The following TTYH1 variants were observed in gnomAD, a reference collection of about 807,000 sequenced individuals.
TTYH1 encodes protein tweety homolog 1.
Under a neutral mutation model 61.2 loss-of-function variants are expected in TTYH1, and 33 were observed. The ratio of observed to expected loss-of-function variants is 0.54; its 90% confidence interval spans 0.41 to 0.72. The LOEUF (loss-of-function observed/expected upper bound fraction) is 0.72. TTYH1 is among the 30% of genes least tolerant of loss of function. The pLI, the probability that TTYH1 is intolerant of heterozygous loss-of-function variation, is 0.00. For synonymous variants in TTYH1, 308 were observed against 266.4 expected, an observed-to-expected ratio of 1.16 and a Z score of -1.52; for missense variants, 538 against 575.8, an observed-to-expected ratio of 0.93 and a Z score of 0.67.
chr19:54,430,900 G>C lies in TTYH1; in HGVS notation c.1027G>C (p.Ala343Pro). Residue 343 changes from alanine to proline, a missense_variant, in exon 9 of 14, where the codon GCG becomes CCG. Ala to Pro is a conservative substitution (Grantham distance 27, BLOSUM62 -1). Around this residue, in one of 3 missense-constraint regions of TTYH1, gnomAD observed 378 missense variants for 401.2 expected, o/e 0.94. Transcript: ENST00000376530. ...EREAVPQFPS[A>P]QKPLLSLEET... Reference sequence around the variant, plus strand: ...AGAAGCTGTGCCTCAGTTCCCTTCAGCGCAGGTCGGTGGGTGGGCGCTCCC... The same window carrying C: ...AGAAGCTGTGCCTCAGTTCCCTTCACCGCAGGTCGGTGGGTGGGCGCTCCC... 6.2e-7 allele frequency: 1 copy of C among 1,612,564 alleles called. No individual in the cohort carries two copies. Among genetic ancestry groups the C allele is most frequent in the Non-Finnish European group, 8.5e-7 (1 of 1,179,954 alleles).
chr19:54,428,022 C>T (rs961807926), intron 5 of TTYH1, among the ~76,000 whole-genome samples: 1 of 152,078 alleles, frequency 6.6e-6, no homozygotes, highest in African/African-American at 2.4e-5. Flanking sequence ...AGTGATCCCC[C>T]CACCTCAGCC....
chr19:54,435,805 C>T (rs753038911), intron 11 of TTYH1, 23 bp from the exon 12 acceptor site: 6 of 1,613,912 alleles, frequency 3.7e-6, no homozygotes, highest in Non-Finnish European at 5.1e-6. Context: ...CGCCTCTCTG[C>T]CATGCCCCGC....
Position 54,419,546 on chromosome 19 carries a change from A to C in TTYH1, c.305+240A>C, listed in dbSNP as rs1254445888. ...GTGAATCAAGGGCAGCCATCTGGTG[A>C]GAAGGCGCAGGGGCAGTCAGATGGC... On this transcript the variant is annotated intron_variant, in intron 2 of 13. Coordinates refer to ENST00000376530, the MANE Select transcript of TTYH1 (RefSeq NM_020659.4). The surrounding 1 kb of genome is among the most constrained non-coding windows in gnomAD (Gnocchi z 6.1). 1.4e-6 allele frequency: 1 copy of C among 698,552 alleles called. No homozygotes were observed. The highest frequency in any genetic ancestry group is 1.5e-5 in the South Asian group (1 of 66,750). The allele number at this position is 698,552 out of a possible 1,614,324, so 43.3% of individuals were successfully genotyped here.
intron 4 of TTYH1, 122 bp from the exon 5 acceptor site, chr19:54,426,551 T>C: frequency 1.3e-6 from 1 of 762,458 alleles, no homozygotes; most frequent in South Asian, 1.6e-5. Flanking sequence ...GAGGCTGAGC[T>C]TGGAGGGTGG....
intron 7 of TTYH1, 59 bp from the exon 8 acceptor site, chr19:54,430,491 C>G (rs1270116975): frequency 6.3e-7 from 1 of 1,584,690 alleles, no homozygotes; most frequent in Admixed American, 1.7e-5. Flanking sequence ...GGCCTTCCCC[C>G]GGGAGATCCC....
rs2083522775 is a variant in TTYH1, at chr19:54,435,393, A to C, written c.1126-149A>C. 6 of 951,876 alleles carry C rather than the reference A, an allele frequency of 6.3e-6. No homozygotes were observed. The East Asian group carries it at 1.5e-4, about 23-fold the overall frequency. The allele number at this position is 951,876 out of a possible 1,614,324, so 59.0% of individuals were successfully genotyped here. A position where few individuals can be genotyped will look rare whatever the true frequency, so the allele number is the denominator to read the frequency against. On this transcript the variant is annotated intron_variant, in intron 10 of 13. Transcript: ENST00000376530. ...CCACTGTACCCACTGTATTCTCAGA[A>C]CTGCCCTTTGACAGGGGAAACTGAG...
chr19:54,417,007 C>T, intron 1 of TTYH1: 1 of 1,189,676 alleles, frequency 8.4e-7, no homozygotes, highest in Non-Finnish European at 1.1e-6. Context: ...CAGAGCCCCA[C>T]AGCCGAGGAG....
At chr19:54,433,969 G>C (rs2083490045) in intron 10 of TTYH1, among the ~76,000 whole-genome samples, 2 of 152,106 alleles carry the variant, frequency 1.3e-5, no homozygotes, top group South Asian at 4.1e-4. Flanking sequence ...TCTCAAAACA[G>C]AGCCTCCATT....
chr19:54,421,267 C>T lies in TTYH1; in HGVS notation c.306-10C>T, dbSNP rs752534413. 4 of 1,596,002 alleles carry T rather than the reference C, an allele frequency of 2.5e-6. No homozygotes were observed. Among genetic ancestry groups the T allele is most frequent in the South Asian group, 1.1e-5 (1 of 90,722 alleles). ...CCCGCTGAGATTCCTCTCCCTCCTC[C>T]TCCGCTCAGCACTGGCATTGGCATC... is the stretch of plus-strand genomic sequence containing the variant. On this transcript the variant is annotated splice_polypyrimidine_tract_variant and intron_variant, in intron 2 of 13. Coordinates refer to ENST00000376530, the MANE Select transcript of TTYH1 (RefSeq NM_020659.4). This position sits in a 1 kb window ranked among gnomAD's most constrained non-coding sequence, Gnocchi z 4.8.
chr19:54,429,238 T>C lies in TTYH1; in HGVS notation c.735-69T>C. ...AGGTGGGGGGCGGCTGTGATGGGATTTGGGGTGTGGAAAGAGGCTAGGCTA... is the reference window on the plus strand; with the variant it reads ...AGGTGGGGGGCGGCTGTGATGGGATCTGGGGTGTGGAAAGAGGCTAGGCTA... On this transcript the variant is annotated intron_variant, in intron 5 of 13. Coordinates refer to ENST00000376530, the MANE Select transcript of TTYH1 (RefSeq NM_020659.4). This position sits in a 1 kb window ranked among gnomAD's most constrained non-coding sequence, Gnocchi z 5.1. The C allele has an allele frequency of 6.9e-7, 1 of 1,439,428 alleles. No homozygotes were observed. Among genetic ancestry groups the C allele is most frequent in the Non-Finnish European group, 9.8e-7 (1 of 1,021,998 alleles). 89.2% of individuals were successfully genotyped at this position (1,439,428 alleles called of 1,614,324 possible). A position where few individuals can be genotyped will look rare whatever the true frequency, so the allele number is the denominator to read the frequency against.
chr19:54,423,979 G>A (rs2083271760), intron 4 of TTYH1, among the ~76,000 whole-genome samples: 1 of 152,036 alleles, frequency 6.6e-6, no homozygotes, highest in South Asian at 2.1e-4. Context: ...TGGCTAACAC[G>A]GTGAAATCCC....
chr19:54,422,151 G>A, intron 3 of TTYH1, 39 bp from the exon 4 acceptor site: 1 of 1,509,674 alleles, frequency 6.6e-7, no homozygotes, highest in Non-Finnish European at 8.9e-7. Context: ...GCTCCCCCCA[G>A]GATGTCCTTC....
At chr19:54,423,409 GC>G (rs1450135526) in intron 4 of TTYH1, among the ~76,000 whole-genome samples, 1 of 152,012 alleles carries the variant, frequency 6.6e-6, no homozygotes, top group Non-Finnish European at 1.5e-5. Context: ...TGTTAGCCAG[GC>G]TGGTCTCAAA....
chr19:54,431,479 C>T lies in TTYH1; in HGVS notation c.1125+288C>T, dbSNP rs548130265. On this transcript the variant is annotated intron_variant, in intron 10 of 13. Transcript: ENST00000376530. ...CCACCCTCCCCGTCCCTTCCTGCCA[C>T]CTTTTCCTTCCTTGTCTTCTCTCCT... 16 of 489,886 alleles carry T rather than the reference C, an allele frequency of 3.3e-5. No individual in the cohort carries two copies. The South Asian group carries it at 3.6e-4, about 11-fold the overall frequency. The allele number at this position is 489,886 out of a possible 1,614,324, so 30.3% of individuals were successfully genotyped here. A position where few individuals can be genotyped will look rare whatever the true frequency, so the allele number is the denominator to read the frequency against.
intron 10 of TTYH1, 83 bp from the exon 11 acceptor site, chr19:54,435,459 G>T: frequency 6.7e-7 from 1 of 1,489,678 alleles, no homozygotes. Context: ...CCACAGCCGG[G>T]AGGACGGTCA....
Position 54,429,988 on chromosome 19 carries a change from G to A in TTYH1, c.883+31G>A. 2 of 1,601,268 alleles carry A rather than the reference G, an allele frequency of 1.2e-6. No individual in the cohort carries two copies. Among genetic ancestry groups the A allele is most frequent in the Non-Finnish European group, 1.7e-6 (2 of 1,169,116 alleles). ...TTCCAAGGGCCCGGTGGGTCCGCCG[G>A]GTTGGGCAGTGCAGGCCCTGGCTTC... On this transcript the variant is annotated intron_variant, in intron 7 of 13. Coordinates refer to ENST00000376530, the MANE Select transcript of TTYH1 (RefSeq NM_020659.4). The surrounding 1 kb of genome is among the most constrained non-coding windows in gnomAD (Gnocchi z 5.1).
chr19:54,424,687 T>A (rs2083287478), intron 4 of TTYH1, among the ~76,000 whole-genome samples: 1 of 152,158 alleles, frequency 6.6e-6, no homozygotes. Context: ...GGTGCACCAC[T>A]GCGAAAGCAC....
At position 54,416,824 on chromosome 19, in the gene TTYH1, C is replaced by T; in HGVS notation, c.126+1146C>T. 6 of 1,293,794 alleles carry T rather than the reference C, an allele frequency of 4.6e-6. No individual in the cohort carries two copies. The South Asian group carries it at 6.2e-5, about 13-fold the overall frequency. 80.1% of individuals were successfully genotyped at this position (1,293,794 alleles called of 1,614,324 possible). ...ACACAACGGCCACCTCCAACAACGC[C>T]GCTCCACCGGCTCCGGCCTCGGCCC... On this transcript the variant is annotated intron_variant, in intron 1 of 13. Transcript: ENST00000376530. The surrounding 1 kb of genome is among the most constrained non-coding windows in gnomAD (Gnocchi z 7.0).
intron 3 of TTYH1, 42 bp from the exon 4 acceptor site, chr19:54,422,148 C>T (rs1008659037): frequency 2.0e-6 from 3 of 1,505,192 alleles, no homozygotes; most frequent in African/African-American, 1.4e-5. Flanking sequence ...CGGGCTCCCC[C>T]CAGGATGTCC....
Sources: gnomAD v4.1 joint callset for allele counts (sites outside exome capture counted in the v4.1 genomes callset) on GRCh38, gnomAD v4.1.1 for gene constraint, gnomAD v4.1.1 regional missense constraint, Gnocchi (gnomAD v3.1) non-coding constraint, MANE v1.5 for transcripts, NCBI Gene and HGNC (gene_info 2026-07-23, HGNC 2026-07-21) for gene names.